PZP: variants seen among roughly 807,000 people sequenced by gnomAD.
The protein encoded by PZP is PZP alpha-2-macroglobulin like.
In PZP, 150 loss-of-function variants were observed where a neutral mutation model predicts 179.8. The ratio of observed to expected loss-of-function variants is 0.83; its 90% CI spans 0.73 to 0.96. The LOEUF is 0.96. PZP is among the 40% of genes least tolerant of loss of function. The pLI, the probability that PZP is intolerant of heterozygous loss-of-function variation, is 0.00. For synonymous variants in PZP, 624 were observed against 652.3 expected (o/e 0.96, Z 0.66); for missense variants, 1,689 against 1,764.0 (o/e 0.96, Z 0.76).
At chr12:9,147,470 T>G (rs1940069439), downstream of PZP, among the ~76,000 whole-genome samples, 1 of 152,212 alleles carries the variant, frequency 6.6e-6, no homozygotes, top group Non-Finnish European at 1.5e-5. Flanking sequence ...TAGCCTCTCA[T>G]AAGCCGTAGC....
intron 15 of PZP, among the ~76,000 whole-genome samples, chr12:9,174,293 A>G (rs1374350120): frequency 6.6e-6 from 1 of 152,120 alleles, no homozygotes; most frequent in Non-Finnish European, 1.5e-5. Context: ...TATGTTAAAA[A>G]CTCTCAATAA....
intron 22 of PZP, among the ~76,000 whole-genome samples, chr12:9,161,470 T>C (rs1478351049): frequency 6.6e-6 from 1 of 152,212 alleles, no homozygotes; most frequent in Non-Finnish European, 1.5e-5. Flanking sequence ...CTTTTGGCAC[T>C]GTGTGACTTC....
In PZP at chr12:9,152,808, G is replaced by A. The variant is rs192386321; in HGVS notation, c.4121+16C>T. Reference sequence around the variant, plus strand: ...CTTTTGGGCCAAAGATAGGTGATTAGGTTAGAACGTCTTACCTGATGGTCA... The same window carrying A: ...CTTTTGGGCCAAAGATAGGTGATTAAGTTAGAACGTCTTACCTGATGGTCA... On this transcript the variant is annotated intron_variant, in intron 31 of 35. Coordinates refer to ENST00000261336, the MANE Select transcript of PZP (RefSeq NM_002864.3). 12 of 1,613,378 alleles carry A rather than the reference G, an allele frequency of 7.4e-6. No homozygotes were observed. The highest frequency in any genetic ancestry group is 5.0e-5 in the Admixed American group (3 of 59,958).
At chr12:9,147,395 G>T (rs1262386725), downstream of PZP, among the ~76,000 whole-genome samples, 1 of 152,152 alleles carries the variant, frequency 6.6e-6, no homozygotes, top group Non-Finnish European at 1.5e-5. Flanking sequence ...TGGGAGCTAG[G>T]GGGCCTCTTT....
Position 9,203,757 on chromosome 12 carries a change from G to C in PZP, c.267+11C>G. ...CAAGCAGGGATAGCCAGCTGGCACC[G>C]TAGCACTCACAGTGAAGGAGACACA... On this transcript the variant is annotated intron_variant, in intron 2 of 35. Coordinates refer to ENST00000261336, the MANE Select transcript of PZP (RefSeq NM_002864.3). 1.2e-6 allele frequency: 2 copies of C among 1,613,814 alleles called. No homozygotes were observed. Among genetic ancestry groups the C allele is most frequent in the Non-Finnish European group, 1.7e-6 (2 of 1,179,822 alleles).
chr12:9,182,224 C>T (rs931095720), intron 13 of PZP, 107 bp from the exon 14 acceptor site: 25 of 1,067,832 alleles, frequency 2.3e-5, no homozygotes, highest in Non-Finnish European at 2.8e-5. Flanking sequence ...TTGAGAACTG[C>T]GTCCATTCAT....
intron 17 of PZP, among the ~76,000 whole-genome samples, chr12:9,166,404 A>G (rs1015814827): frequency 6.6e-6 from 1 of 152,166 alleles, no homozygotes; most frequent in African/African-American, 2.4e-5. Flanking sequence ...TGGAAATTCT[A>G]TGTATCCTAG....
chr12:9,173,876 C>T (rs1247715233), intron 15 of PZP, among the ~76,000 whole-genome samples: 2 of 152,110 alleles, frequency 1.3e-5, no homozygotes, highest in East Asian at 3.8e-4. Flanking sequence ...CAGATGGATG[C>T]ACAGCTGAAT....
Position 9,152,622 on chromosome 12 carries a change from T to C in PZP, c.4121+202A>G, listed in dbSNP as rs1940442201. Among the ~76,000 whole-genome samples, 3 of 152,254 alleles carry C rather than the reference T, an allele frequency of 2.0e-5. No homozygotes were observed. In the South Asian group the frequency reaches 6.2e-4, roughly 31 times the overall value. The stretch of plus-strand genomic sequence containing the variant: ...TTTGCACACCTCACTATACAGTTCA[T>C]TTGTTATTTAGTATATATTACTTTT... On this transcript the variant is annotated intron_variant, in intron 31 of 35. Coordinates refer to ENST00000261336, the MANE Select transcript of PZP (RefSeq NM_002864.3).
chr12:9,172,661 A>T (rs1472325700), intron 15 of PZP, among the ~76,000 whole-genome samples: 3 of 152,234 alleles, frequency 2.0e-5, no homozygotes, highest in Non-Finnish European at 4.4e-5. Context: ...GCAAATGGAA[A>T]ACAGAAAAAA....
intron 13 of PZP, among the ~76,000 whole-genome samples, chr12:9,190,669 C>T (rs748683100): frequency 6.6e-6 from 1 of 152,180 alleles, no homozygotes; most frequent in South Asian, 2.1e-4. Context: ...CATAACAAAC[C>T]TGAACATGAA....
intron 11 of PZP, among the ~76,000 whole-genome samples, chr12:9,193,833 A>T (rs1032421893): frequency 1.3e-5 from 2 of 152,202 alleles, no homozygotes; most frequent in African/African-American, 2.4e-5. Context: ...CAAATCAAAT[A>T]AGATTTTTTT....
intron 10 of PZP, 93 bp from the exon 11 acceptor site, chr12:9,194,331 C>T: frequency 1.7e-6 from 2 of 1,183,748 alleles, no homozygotes; most frequent in Non-Finnish European, 2.4e-6. Context: ...ATAACTAAAA[C>T]AACAACCTCC....
intron 28 of PZP, 57 bp downstream of exon 28, chr12:9,157,118 C>A: frequency 6.5e-7 from 1 of 1,532,038 alleles, no homozygotes; most frequent in South Asian, 1.2e-5. Context: ...GTGTGCTGTT[C>A]CCCTCCCTGT....
At chr12:9,147,621 G>C (rs7971847), downstream of PZP, among the ~76,000 whole-genome samples, 1 of 151,948 alleles carries the variant, frequency 6.6e-6, no homozygotes, top group South Asian at 2.1e-4. Context: ...TGTGGGACAG[G>C]GGGGAAGCCT....
chr12:9,166,701 T>A (rs1344173567), intron 17 of PZP, among the ~76,000 whole-genome samples: 1 of 152,264 alleles, frequency 6.6e-6, no homozygotes, highest in Non-Finnish European at 1.5e-5. Flanking sequence ...AAACTGTTGT[T>A]CTCTGGGAAA....
rs201209570 is a variant in PZP, at chr12:9,168,893, C to G, written c.2083G>C (p.Ala695Pro). ...CCTCCATAGTATCCTTGACCTACTGCTCCTGCAGACACGGAAGGGATGACT... is the reference window on the plus strand; with the variant it reads ...CCTCCATAGTATCCTTGACCTACTGGTCCTGCAGACACGGAAGGGATGACT... ...CSVIPSVSAG[A>P]VGQGYYGAGL... Residue 695 changes from alanine to proline, a missense_variant, in exon 17 of 36, where the codon GCA (alanine) becomes CCA (proline). Physicochemically the swap from Ala to Pro is conservative, Grantham distance 27. Coordinates refer to ENST00000261336, the MANE Select transcript of PZP (RefSeq NM_002864.3). 18 of 1,613,928 alleles carry G rather than the reference C, an allele frequency of 1.1e-5. No individual in the cohort carries two copies. The highest frequency in any genetic ancestry group is 1.4e-5 in the Non-Finnish European group (16 of 1,179,836).
chr12:9,165,475 G>T, intron 18 of PZP, 108 bp from the exon 19 acceptor site: 1 of 1,258,382 alleles, frequency 7.9e-7, no homozygotes, highest in Non-Finnish European at 1.1e-6. Flanking sequence ...TCCACTTAAG[G>T]GTATATGCGA....
chr12:9,178,886 G>A (rs974285199), intron 15 of PZP, among the ~76,000 whole-genome samples: 2 of 151,844 alleles, frequency 1.3e-5, no homozygotes, highest in African/African-American at 4.8e-5. Context: ...ATAGGACAGG[G>A]GTCTCAGATA....
Sources: gnomAD v4.1 joint callset for allele counts (sites outside exome capture counted in the v4.1 genomes callset) on GRCh38, gnomAD v4.1.1 for gene constraint, MANE v1.5 for transcripts, NCBI Gene and HGNC (gene_info 2026-07-23, HGNC 2026-07-21) for gene names.